The following RB1 variants were observed in gnomAD, a reference collection of about 807,000 sequenced individuals.
RB1 encodes retinoblastoma-associated protein.
RB1 carries 18 observed loss-of-function variants against 135.4 expected under a neutral mutation model. That is an observed-to-expected ratio of 0.13 (90% CI 0.09 to 0.20). The LOEUF (loss-of-function observed/expected upper bound fraction) is 0.20, where lower values mean the gene tolerates loss of function less well. Ranked by LOEUF, RB1 falls within the 10% of genes least tolerant of loss-of-function variation. The pLI, the probability that RB1 is intolerant of heterozygous loss-of-function variation, is 1.00. For synonymous variants in RB1, 365 were observed against 373.2 expected (o/e 0.98, Z 0.25); for missense variants, 868 against 1,110.0 (o/e 0.78, Z 3.10).
At chr13:48,422,461 C>G (rs1949020767) in intron 17 of RB1, among the ~76,000 whole-genome samples, 2 of 152,066 alleles carry the variant, frequency 1.3e-5, no homozygotes, top group Admixed American at 1.3e-4. Flanking sequence ...ACGTGTATAC[C>G]TATGTAACAA....
At chr13:48,360,182 A>G in intron 7 of RB1, 55 bp downstream of exon 7, 2 of 1,605,642 alleles carry the variant, frequency 1.2e-6, no homozygotes, top group Non-Finnish European at 1.7e-6. Flanking sequence ...TGCTTATTGA[A>G]TGTCTAGTGG....
At chr13:48,476,443 G>A in intron 24 of RB1, 1 of 429,774 alleles carries the variant, frequency 2.3e-6, no homozygotes. Flanking sequence ...GTAGGCAGTT[G>A]CTGGAGGAAG....
intron 23 of RB1, among the ~76,000 whole-genome samples, chr13:48,470,591 C>T (rs979502787): frequency 0.029 from 635 of 22,264 alleles, 21 homozygotes; most frequent in African/African-American, 0.056. Flanking sequence ...AGAGCTTCTG[C>T]GCAGCAAAAG....
At chr13:48,454,854 G>T (rs1444240490) in intron 18 of RB1, among the ~76,000 whole-genome samples, 1 of 152,218 alleles carries the variant, frequency 6.6e-6, no homozygotes, top group East Asian at 1.9e-4. Context: ...TTTAGGAACA[G>T]AAAGAAAGAA....
rs1948519905 is a variant in RB1 at position 48,380,063 on chromosome 13, G to T, written c.1400G>T (p.Arg467Leu). 1 of 1,332,950 alleles carries T rather than the reference G, an allele frequency of 7.5e-7. No individual in the cohort carries two copies. Among genetic ancestry groups the T allele is most frequent in the Non-Finnish European group, 1.0e-6 (1 of 989,890 alleles). 82.6% of individuals were successfully genotyped at this position (1,332,950 alleles called of 1,614,324 possible). A position where few individuals can be genotyped will look rare whatever the true frequency, so the allele number is the denominator to read the frequency against. The change falls in exon 15 of 27, where the codon CGA becomes CTA. Residue 467 changes from arginine to leucine, a missense_variant. This residue lies in a region of RB1 where 641 missense variants were observed against 791.3 expected (regional missense o/e 0.81). Transcript: ENST00000267163. ...MESMLKSEEE[R>L]LSIQNFSKLL... is the part of the protein sequence containing the mutation. ...AATTATCTGTTTCAGGAAGAAGAACGATTATCCATTCAAAATTTTAGGTAA... is the reference window on the plus strand; with the variant it reads ...AATTATCTGTTTCAGGAAGAAGAACTATTATCCATTCAAAATTTTAGGTAA...
At chr13:48,323,156 T>C (rs1407855907) in intron 2 of RB1, among the ~76,000 whole-genome samples, 1 of 152,130 alleles carries the variant, frequency 6.6e-6, no homozygotes, top group Admixed American at 6.5e-5. Context: ...GCCTGGACTT[T>C]TCTCTGTGGA....
intron 2 of RB1, among the ~76,000 whole-genome samples, chr13:48,315,251 C>T (rs1952171890): frequency 6.6e-6 from 1 of 152,136 alleles, no homozygotes; most frequent in Non-Finnish European, 1.5e-5. Flanking sequence ...GAGCTTTCAC[C>T]TCCCTAGTTA....
intron 17 of RB1, among the ~76,000 whole-genome samples, chr13:48,399,221 TG>T (rs1171851287): frequency 1.3e-5 from 2 of 152,032 alleles, no homozygotes; most frequent in African/African-American, 4.8e-5. Context: ...CTGAGGTTTT[TG>T]TTGTTGTTTT....
chr13:48,331,263 G>A (rs1451728978), intron 2 of RB1, among the ~76,000 whole-genome samples: 2 of 152,172 alleles, frequency 1.3e-5, no homozygotes, highest in Admixed American at 1.3e-4. Context: ...CATAGTACTG[G>A]AAATCTAGCC....
Position 48,472,031 on chromosome 13 carries a change from C to T in RB1, c.2490-1329C>T, listed in dbSNP as rs150635376. On this transcript the variant is annotated intron_variant, in intron 23 of 26. Transcript: ENST00000267163. Reference sequence around the variant, plus strand: ...CAACTACAAATCATTATATTATCTTCCACATCCAACCACAAGTGCTCTCTA... The same window carrying T: ...CAACTACAAATCATTATATTATCTTTCACATCCAACCACAAGTGCTCTCTA... Among the ~76,000 whole-genome samples the T allele has an allele frequency of 3.7e-3, 569 of 152,268 alleles. 1 individual carries two copies. The highest frequency in any genetic ancestry group is 0.013 in the African/African-American group (531 of 41,546).
At chr13:48,420,411 C>T (rs1272726054) in intron 17 of RB1, among the ~76,000 whole-genome samples, 1 of 152,182 alleles carries the variant, frequency 6.6e-6, no homozygotes, top group Non-Finnish European at 1.5e-5. Flanking sequence ...CTATTTATGG[C>T]AGACCCACAG....
intron 2 of RB1, among the ~76,000 whole-genome samples, chr13:48,323,540 T>G (rs1395764337): frequency 1.3e-5 from 2 of 152,054 alleles, no homozygotes; most frequent in Non-Finnish European, 2.9e-5. Flanking sequence ...TTTTCCCTGT[T>G]TTTTCACTAC....
chr13:48,357,164 T>G (rs772380290), intron 6 of RB1, among the ~76,000 whole-genome samples: 5 of 151,908 alleles, frequency 3.3e-5, no homozygotes, highest in Non-Finnish European at 7.4e-5. Flanking sequence ...TAACATACTC[T>G]ATTTAAAAAT....
At chr13:48,418,709 C>CA (rs1217781825) in intron 17 of RB1, among the ~76,000 whole-genome samples, 3,738 of 109,842 alleles carry the variant, frequency 0.034, 58 homozygotes, top group East Asian at 0.08. Flanking sequence ...AAATGGAAAG[C>CA]AAAAAAAAAA....
chr13:48,355,490 T>C (rs1020065531), intron 6 of RB1, among the ~76,000 whole-genome samples: 1 of 151,986 alleles, frequency 6.6e-6, no homozygotes, highest in Non-Finnish European at 1.5e-5. Context: ...TTAGTACAAC[T>C]ACTATGGAGA....
At chr13:48,449,072 G>A (rs145255347) in intron 17 of RB1, among the ~76,000 whole-genome samples, 187 of 152,212 alleles carry the variant, frequency 1.2e-3, no homozygotes, top group African/African-American at 4.2e-3. Context: ...TTAGGCATGA[G>A]TAACTTCCTA....
intron 17 of RB1, among the ~76,000 whole-genome samples, chr13:48,396,394 G>A (rs949346080): frequency 2.0e-5 from 3 of 152,232 alleles, no homozygotes; most frequent in Admixed American, 6.5e-5. Flanking sequence ...CAACCAATGG[G>A]GAAAGGATTC....
chr13:48,371,961 C>T (rs4151516), intron 11 of RB1, among the ~76,000 whole-genome samples: 4 of 152,002 alleles, frequency 2.6e-5, no homozygotes, highest in Non-Finnish European at 4.4e-5. Context: ...TTGTGAACTG[C>T]GCATGTGAGG....
intron 3 of RB1, 72 bp downstream of exon 3, chr13:48,342,786 CTT>C: frequency 1.9e-6 from 2 of 1,075,822 alleles, no homozygotes; most frequent in South Asian, 1.3e-5. Flanking sequence ...TCTCAATAGA[CTT>C]TTGTGAATTA....
Sources: gnomAD v4.1 joint callset for allele counts (sites outside exome capture counted in the v4.1 genomes callset) on GRCh38, gnomAD v4.1.1 for gene constraint, gnomAD v4.1.1 regional missense constraint, MANE v1.5 for transcripts, NCBI Gene and HGNC (gene_info 2026-07-23, HGNC 2026-07-21) for gene names.